Variants in NOX3 observed in about 807,000 individuals in gnomAD.
NOX3 encodes the protein NADPH oxidase 3.
A neutral mutation model predicts 76.7 loss-of-function variants in NOX3; 74 were observed. That is an observed-to-expected ratio of 0.96 (90% CI 0.80 to 1.17). The LOEUF (loss-of-function observed/expected upper bound fraction) is 1.17, where lower values mean the gene tolerates loss of function less well. NOX3 is among the 50% of genes most tolerant of loss of function. The pLI is 0.00. For missense variants in NOX3, 695 were observed against 703.3 expected (o/e 0.99, Z 0.13); for synonymous variants, 263 against 261.1 (o/e 1.01, Z -0.07).
chr6:155,421,404 T>C (rs1776687163), intron 10 of NOX3, among the ~76,000 whole-genome samples: 1 of 152,164 alleles, frequency 6.6e-6, no homozygotes, highest in African/African-American at 2.4e-5. Context: ...TTAACTGCTG[T>C]TTCTTAGTTG....
intron 11 of NOX3, among the ~76,000 whole-genome samples, chr6:155,407,873 G>C (rs1023280022): frequency 1.3e-5 from 2 of 152,182 alleles, no homozygotes; most frequent in Non-Finnish European, 2.9e-5. Context: ...ATTTGCCTTG[G>C]AATTAAGCAA....
chr6:155,397,037 G>C, intron 12 of NOX3, 75 bp from the exon 13 acceptor site: 1 of 1,367,724 alleles, frequency 7.3e-7, no homozygotes. Context: ...ACAATGATAA[G>C]ATTAATGAAG....
Position 155,430,827 on chromosome 6 carries a change from A to G in NOX3, c.891+16T>C. Reference sequence around the variant, plus strand: ...TACACTCAGGCTTTTATTCAGACATAAAGCTACATGCATACCTTGGTAATG... The same window carrying G: ...TACACTCAGGCTTTTATTCAGACATGAAGCTACATGCATACCTTGGTAATG... On this transcript the variant is annotated intron_variant, in intron 8 of 13. Transcript: ENST00000159060. The G allele has an allele frequency of 6.4e-7, 1 of 1,570,032 alleles. No homozygotes were observed. The highest frequency in any genetic ancestry group is 8.7e-7 in the Non-Finnish European group (1 of 1,144,526).
At chr6:155,431,891 G>A (rs562350044) in intron 7 of NOX3, among the ~76,000 whole-genome samples, 2 of 152,234 alleles carry the variant, frequency 1.3e-5, no homozygotes, top group Admixed American at 1.3e-4. Flanking sequence ...GTTCTTACCA[G>A]GACCCCAGGC....
rs372535794 is a variant in NOX3 at position 155,422,815 on chromosome 6, A to G, written c.1187T>C (p.Val396Ala). 2 of 1,614,100 alleles carry G rather than the reference A, an allele frequency of 1.2e-6. No homozygotes were observed. Among genetic ancestry groups the G allele is most frequent in the Non-Finnish European group, 1.7e-6 (2 of 1,180,022 alleles). The change falls in exon 10 of 14, where the codon GTA becomes GCA. Residue 396 changes from valine to alanine, a missense_variant. Physicochemically the swap from Val to Ala is moderately conservative, Grantham distance 64 (BLOSUM62 0). Coordinates refer to ENST00000159060, the MANE Select transcript of NOX3 (RefSeq NM_015718.3). ...GCACACACACACTGGGTAGTGAAAT[A>G]CATCTGTCAGGGCAGTTCCAAAGGG... ...DGPFGTALTD[V>A]FHYPVCVCVA...
At chr6:155,405,063 C>G (rs1776427995) in intron 12 of NOX3, among the ~76,000 whole-genome samples, 1 of 152,002 alleles carries the variant, frequency 6.6e-6, no homozygotes, top group Non-Finnish European at 1.5e-5. Context: ...TAATATTCAC[C>G]AGAGAAGTAC....
intron 9 of NOX3, among the ~76,000 whole-genome samples, chr6:155,427,663 A>G (rs1358839965): frequency 6.6e-6 from 1 of 152,200 alleles, no homozygotes; most frequent in Non-Finnish European, 1.5e-5. Context: ...AGAAGTAGGA[A>G]TCTCTTGATG....
intron 10 of NOX3, among the ~76,000 whole-genome samples, chr6:155,412,136 C>T (rs538639353): frequency 6.6e-6 from 1 of 152,118 alleles, no homozygotes; most frequent in Non-Finnish European, 1.5e-5. Flanking sequence ...CACACTCCCA[C>T]CCCTTGCTGC....
At chr6:155,417,160 G>A (rs1161754090) in intron 10 of NOX3, among the ~76,000 whole-genome samples, 1 of 152,180 alleles carries the variant, frequency 6.6e-6, no homozygotes, top group Non-Finnish European at 1.5e-5. Context: ...TATTGACACT[G>A]ACGGTGCCCG....
intron 11 of NOX3, among the ~76,000 whole-genome samples, chr6:155,408,104 G>A (rs908177775): frequency 6.6e-6 from 1 of 151,970 alleles, no homozygotes; most frequent in Non-Finnish European, 1.5e-5. Context: ...TCAGCCTCTC[G>A]AGTAGCTGGG....
intron 10 of NOX3, among the ~76,000 whole-genome samples, chr6:155,422,364 G>C (rs1776700479): frequency 6.6e-6 from 1 of 152,176 alleles, no homozygotes; most frequent in Non-Finnish European, 1.5e-5. Flanking sequence ...AAGAGACTAA[G>C]GAGAGGTTGC....
intron 6 of NOX3, among the ~76,000 whole-genome samples, chr6:155,439,235 G>A: frequency 6.6e-6 from 1 of 152,188 alleles, no homozygotes; most frequent in East Asian, 1.9e-4. Context: ...AATAATTAAA[G>A]GGACAAGCTA....
rs1374954710 is a variant in NOX3 at position 155,448,696 on chromosome 6, GA to G, written c.340+4707del. Among the ~76,000 whole-genome samples, 3 of 150,060 alleles carry G rather than the reference GA, an allele frequency of 2.0e-5. No individual in the cohort carries two copies. In the East Asian group the frequency reaches 5.8e-4, roughly 29 times the overall value. ...CTACTATTAGAGCCAGTTGCCCTGA[GA>G]AAGTTCTTTTACCTTCCTTCTTTCA... On this transcript the variant is annotated intron_variant, in intron 4 of 13. Coordinates refer to ENST00000159060, the MANE Select transcript of NOX3 (RefSeq NM_015718.3).
chr6:155,405,250 T>A (rs1038905851), intron 12 of NOX3, among the ~76,000 whole-genome samples: 1 of 152,100 alleles, frequency 6.6e-6, no homozygotes. Flanking sequence ...TTTAATGTAC[T>A]CTTACTGGTG....
chr6:155,408,240 C>T (rs570394597), intron 11 of NOX3, among the ~76,000 whole-genome samples: 92 of 152,296 alleles, frequency 6.0e-4, no homozygotes, highest in Non-Finnish European at 1.1e-3. Context: ...CCCGCCTTGG[C>T]CTCCCAAATT....
intron 7 of NOX3, 26 bp from the exon 8 acceptor site, chr6:155,430,961 G>C: frequency 1.5e-6 from 2 of 1,329,888 alleles, no homozygotes; most frequent in Non-Finnish European, 2.1e-6. Flanking sequence ...GAGAGAGAGA[G>C]AAAAAGGAAA....
At chr6:155,395,982 A>G (rs1277591412) in intron 13 of NOX3, among the ~76,000 whole-genome samples, 1 of 152,162 alleles carries the variant, frequency 6.6e-6, no homozygotes, top group Non-Finnish European at 1.5e-5. Flanking sequence ...CATAAAATTT[A>G]TTTGTAAATA....
intron 6 of NOX3, among the ~76,000 whole-genome samples, chr6:155,439,529 C>T (rs1776953277): frequency 6.6e-6 from 1 of 152,136 alleles, no homozygotes; most frequent in African/African-American, 2.4e-5. Context: ...ACCAGACTGC[C>T]CATGCCACAC....
intron 5 of NOX3, among the ~76,000 whole-genome samples, chr6:155,441,042 G>T (rs1254606557): frequency 6.6e-6 from 1 of 152,150 alleles, no homozygotes; most frequent in Non-Finnish European, 1.5e-5. Flanking sequence ...ATTCTTATCT[G>T]GTGGACACGG....
Sources: allele counts gnomAD v4.1 joint callset (sites outside exome capture counted in the v4.1 genomes callset), GRCh38; gene constraint gnomAD v4.1.1; transcripts MANE v1.5; gene names NCBI Gene and HGNC (gene_info 2026-07-23, HGNC 2026-07-21).